Variants in PLCL1 observed in about 807,000 individuals in gnomAD.
PLCL1 encodes inactive phospholipase C-like protein 1.
In PLCL1, 41 loss-of-function variants were observed where a neutral mutation model predicts 84.4. The observed-to-expected ratio is 0.49, with a 90% CI of 0.38 to 0.63. The LOEUF is 0.63. PLCL1 is among the 30% of genes least tolerant of loss of function. PLCL1 has a pLI of 0.00. For synonymous variants in PLCL1, 490 were observed against 488.3 expected (o/e 1.00, Z -0.05); for missense variants, 1,206 against 1,367.8 (o/e 0.88, Z 1.87).
intron 1 of PLCL1, among the ~76,000 whole-genome samples, chr2:197,947,807 G>A (rs184552258): frequency 3.3e-5 from 5 of 152,268 alleles, no homozygotes; most frequent in Non-Finnish European, 7.3e-5. Flanking sequence ...ATTAATCTGG[G>A]TGGCACTTAA....
intron 1 of PLCL1, among the ~76,000 whole-genome samples, chr2:197,935,236 A>G (rs1417471054): frequency 2.6e-5 from 4 of 152,236 alleles, no homozygotes; most frequent in African/African-American, 9.6e-5. Flanking sequence ...GCAATTTCTC[A>G]AAGAATTTAA....
chr2:198,139,951 C>T (rs76617473), intron 5 of PLCL1, among the ~76,000 whole-genome samples: 1 of 150,652 alleles, frequency 6.6e-6, no homozygotes, highest in Non-Finnish European at 1.5e-5. Flanking sequence ...TTTTTTTCCC[C>T]GAGATGGAGT....
At chr2:197,905,913 GGTT>G (rs1288999625) in intron 1 of PLCL1, among the ~76,000 whole-genome samples, 3 of 151,942 alleles carry the variant, frequency 2.0e-5, no homozygotes, top group Non-Finnish European at 4.4e-5. Context: ...TTTTTGATGG[GGTT>G]GTTTTTTTCT....
chr2:198,044,548 T>C (rs192855212), intron 1 of PLCL1, among the ~76,000 whole-genome samples: 1 of 152,344 alleles, frequency 6.6e-6, no homozygotes, highest in African/African-American at 2.4e-5. Flanking sequence ...GTATATGTTA[T>C]AGTACTAATT....
chr2:198,033,676 T>G (rs534701095), intron 1 of PLCL1, among the ~76,000 whole-genome samples: 13 of 152,218 alleles, frequency 8.5e-5, no homozygotes, highest in Non-Finnish European at 1.6e-4. Context: ...TACCTTTGTG[T>G]AACATTGGAA....
rs1559043138 is a variant in PLCL1 at position 197,912,799 on chromosome 2, TG to T, written c.240+107466del. On this transcript the variant is annotated intron_variant, in intron 1 of 5. Coordinates refer to ENST00000428675, the MANE Select transcript of PLCL1 (RefSeq NM_006226.4). Reference sequence around the variant, plus strand: ...TCACACTCTGGGGACCGTGGTGGGGTGGGGGGTGGGGGGAGGGGGGAGGGAT... The same window carrying T: ...TCACACTCTGGGGACCGTGGTGGGGTGGGGGTGGGGGGAGGGGGGAGGGAT... Among the ~76,000 whole-genome samples the T allele has an allele frequency of 0.01, 53 of 5,120 alleles. 2 individuals carry two copies. The African/African-American group carries it at 0.17, about 16-fold the overall frequency. The allele number at this position is 5,120 out of a possible 152,430, so 3.4% of individuals were successfully genotyped here. A position where few individuals can be genotyped will look rare whatever the true frequency, so the allele number is the denominator to read the frequency against.
intron 1 of PLCL1, among the ~76,000 whole-genome samples, chr2:197,860,100 C>T (rs1234965464): frequency 1.3e-5 from 2 of 152,070 alleles, no homozygotes; most frequent in Admixed American, 6.6e-5. Flanking sequence ...TCATTTAGCT[C>T]CCACTTACAA....
intron 5 of PLCL1, among the ~76,000 whole-genome samples, chr2:198,122,995 A>G (rs6434956): frequency 0.078 from 11,890 of 152,116 alleles, 1,408 homozygotes; most frequent in African/African-American, 0.25. Context: ...AAACCCAGGC[A>G]GTGTGGACCC....
At chr2:197,950,487 G>C (rs1356408953) in intron 1 of PLCL1, among the ~76,000 whole-genome samples, 1 of 152,118 alleles carries the variant, frequency 6.6e-6, no homozygotes, top group Non-Finnish European at 1.5e-5. Context: ...TGCATGATCA[G>C]ATAGATTTAA....
intron 1 of PLCL1, among the ~76,000 whole-genome samples, chr2:197,825,392 C>G (rs1690907967): frequency 6.6e-6 from 1 of 152,134 alleles, no homozygotes; most frequent in Non-Finnish European, 1.5e-5. Context: ...TTTAGCTAAT[C>G]AGCTATAACC....
At chr2:198,038,853 A>AG (rs887230282) in intron 1 of PLCL1, among the ~76,000 whole-genome samples, 33 of 151,776 alleles carry the variant, frequency 2.2e-4, no homozygotes, top group Non-Finnish European at 2.1e-4. Context: ...TCAAAAAAAA[A>AG]AAAAAAAGAA....
At chr2:197,813,033 CA>C (rs1409167730) in intron 1 of PLCL1, among the ~76,000 whole-genome samples, 1 of 152,156 alleles carries the variant, frequency 6.6e-6, no homozygotes, top group Non-Finnish European at 1.5e-5. Context: ...AGGGTGTAAT[CA>C]GGGGCACACG....
chr2:198,031,950 G>A (rs947658482), intron 1 of PLCL1, among the ~76,000 whole-genome samples: 4 of 152,026 alleles, frequency 2.6e-5, no homozygotes, highest in African/African-American at 9.7e-5. Flanking sequence ...TGTAAGATGG[G>A]TACATATAGA....
At chr2:197,853,258 C>T (rs1286453208) in intron 1 of PLCL1, among the ~76,000 whole-genome samples, 1 of 152,082 alleles carries the variant, frequency 6.6e-6, no homozygotes, top group Admixed American at 6.6e-5. Context: ...TTTGTTTATC[C>T]ATTCGTCTAA....
chr2:197,901,467 T>C (rs1468681539), intron 1 of PLCL1, among the ~76,000 whole-genome samples: 1 of 152,154 alleles, frequency 6.6e-6, no homozygotes, highest in Non-Finnish European at 1.5e-5. Flanking sequence ...TGTTGGATCT[T>C]GCATGAGATT....
intron 1 of PLCL1, among the ~76,000 whole-genome samples, chr2:198,025,743 C>T (rs1033568399): frequency 2.6e-5 from 4 of 152,250 alleles, no homozygotes; most frequent in South Asian, 2.1e-4. Context: ...CCATGGAGAA[C>T]TAACCCTGGA....
At chr2:198,015,839 T>G (rs566317093) in intron 1 of PLCL1, among the ~76,000 whole-genome samples, 1 of 152,306 alleles carries the variant, frequency 6.6e-6, no homozygotes, top group Non-Finnish European at 1.5e-5. Flanking sequence ...GCCAAAATTT[T>G]GAGTGCTCAT....
In PLCL1 at chr2:197,804,800, C is replaced by T. The variant is rs1690429600; in HGVS notation, c.-300C>T. 1 of 307,968 alleles carries T rather than the reference C, an allele frequency of 3.2e-6. No individual in the cohort carries two copies. Among genetic ancestry groups the T allele is most frequent in the East Asian group, 5.7e-5 (1 of 17,560 alleles). The allele number at this position is 307,968 out of a possible 1,614,324, so 19.1% of individuals were successfully genotyped here. ...GGCGTTTGCATCACATTTCGGATAC[C>T]TCCCTCTCTTTTTCGCCTCTCCTTC... On this transcript the variant is annotated 5_prime_UTR_variant, in exon 1 of 6. Coordinates refer to ENST00000428675, the MANE Select transcript of PLCL1 (RefSeq NM_006226.4).
intron 1 of PLCL1, among the ~76,000 whole-genome samples, chr2:197,989,959 C>A (rs564892728): frequency 6.6e-6 from 1 of 152,136 alleles, no homozygotes; most frequent in African/African-American, 2.4e-5. Flanking sequence ...ATAGTGCCTA[C>A]TGGTAATAGA....
Sources: gnomAD v4.1 joint callset for allele counts (sites outside exome capture counted in the v4.1 genomes callset) on GRCh38, gnomAD v4.1.1 for gene constraint, MANE v1.5 for transcripts, NCBI Gene and HGNC (gene_info 2026-07-23, HGNC 2026-07-21) for gene names.